GREB1L: variants seen among roughly 807,000 people sequenced by gnomAD.
GREB1L encodes GREB1 like retinoic acid receptor coactivator.
A neutral mutation model predicts 200.8 loss-of-function variants in GREB1L; 17 were observed. The observed-to-expected ratio is 0.08, with a 90% CI of 0.06 to 0.13. The LOEUF is 0.13. GREB1L is among the 10% of genes least tolerant of loss of function. GREB1L has a pLI of 1.00. For missense variants in GREB1L, 1,657 were observed against 2,367.7 expected, an observed-to-expected ratio of 0.70 and a Z score of 6.23; for synonymous variants, 789 against 893.0, an observed-to-expected ratio of 0.88 and a Z score of 2.08.
intron 19 of GREB1L, among the ~76,000 whole-genome samples, chr18:21,494,635 T>G (rs2036474040): frequency 2.0e-5 from 3 of 152,100 alleles, no homozygotes; most frequent in African/African-American, 7.2e-5. Flanking sequence ...AAAAAAATTG[T>G]ATGTATTACT....
chr18:21,451,234 G>A (rs139888478), intron 13 of GREB1L, 83 bp downstream of exon 13: 2 of 1,407,964 alleles, frequency 1.4e-6, no homozygotes, highest in Admixed American at 2.2e-5. Flanking sequence ...GTCAAGATGA[G>A]TGTGGAGCTC....
chr18:21,433,137 C>T (rs1216449497), intron 7 of GREB1L, among the ~76,000 whole-genome samples: 1 of 152,162 alleles, frequency 6.6e-6, no homozygotes, highest in Non-Finnish European at 1.5e-5. Context: ...TATGTTAAGA[C>T]AAATCCCAGA....
intron 1 of GREB1L, among the ~76,000 whole-genome samples, chr18:21,333,907 G>T (rs2145070216): frequency 1.3e-5 from 2 of 151,908 alleles, no homozygotes; most frequent in South Asian, 4.2e-4. Context: ...GCTTGAGTCT[G>T]GGAGGTTGAG....
At chr18:21,304,899 A>G (rs1236096250) in intron 1 of GREB1L, among the ~76,000 whole-genome samples, 2 of 152,064 alleles carry the variant, frequency 1.3e-5, no homozygotes, top group East Asian at 1.9e-4. Context: ...CTGTTGTTCA[A>G]GTCTTCCCTA....
intron 29 of GREB1L, among the ~76,000 whole-genome samples, 158 bp from the exon 30 acceptor site, chr18:21,516,453 CAG>C (rs952722492): frequency 2.0e-5 from 3 of 152,134 alleles, no homozygotes; most frequent in African/African-American, 4.8e-5. Flanking sequence ...ATGCCCAAAT[CAG>C]AGTTTTTCCA....
intron 5 of GREB1L, among the ~76,000 whole-genome samples, 169 bp from the exon 6 acceptor site, chr18:21,400,981 A>G (rs986284608): frequency 6.6e-6 from 1 of 152,198 alleles, no homozygotes; most frequent in Non-Finnish European, 1.5e-5. Flanking sequence ...ACTGTTATAA[A>G]ATAACTCTGC....
chr18:21,294,213 A>T (rs949739552), intron 1 of GREB1L, among the ~76,000 whole-genome samples: 1 of 152,144 alleles, frequency 6.6e-6, no homozygotes, highest in African/African-American at 2.4e-5. Flanking sequence ...TTTATTTTCA[A>T]TTAATTTAAA....
chr18:21,306,165 T>C (rs559074793), intron 1 of GREB1L, among the ~76,000 whole-genome samples: 3 of 152,348 alleles, frequency 2.0e-5, no homozygotes, highest in Non-Finnish European at 4.4e-5. Flanking sequence ...TCTTGTTCAC[T>C]GAGGTATCCC....
At chr18:21,413,855 A>G (rs1199996631) in intron 7 of GREB1L, among the ~76,000 whole-genome samples, 1 of 152,138 alleles carries the variant, frequency 6.6e-6, no homozygotes, top group Non-Finnish European at 1.5e-5. Context: ...AAATGAAGAA[A>G]CCCATAAGTA....
At chr18:21,401,044 A>C (rs1019075264) in intron 5 of GREB1L, 106 bp from the exon 6 acceptor site, 1 of 869,848 alleles carries the variant, frequency 1.1e-6, no homozygotes, top group African/African-American at 1.7e-5. Flanking sequence ...CTTGAGATTG[A>C]GACATTTTTG....
At chr18:21,356,416 T>A (rs2039505121) in intron 1 of GREB1L, among the ~76,000 whole-genome samples, 1 of 152,228 alleles carries the variant, frequency 6.6e-6, no homozygotes, top group Non-Finnish European at 1.5e-5. Flanking sequence ...TAATTGAGAT[T>A]ATACAGTATT....
intron 15 of GREB1L, among the ~76,000 whole-genome samples, chr18:21,458,021 T>G (rs951185922): frequency 7.0e-6 from 1 of 142,662 alleles, no homozygotes; most frequent in African/African-American, 2.7e-5. Flanking sequence ...CAGGCTGGAG[T>G]GCAGTGGCGC....
At chr18:21,291,772 C>A (rs1265843762) in intron 1 of GREB1L, among the ~76,000 whole-genome samples, 1 of 152,126 alleles carries the variant, frequency 6.6e-6, no homozygotes, top group Non-Finnish European at 1.5e-5. Flanking sequence ...GAAATGGAGG[C>A]TGGGCATGGT....
intron 1 of GREB1L, among the ~76,000 whole-genome samples, chr18:21,249,588 C>T (rs770420259): frequency 2.6e-5 from 4 of 152,112 alleles, no homozygotes; most frequent in Non-Finnish European, 5.9e-5. Context: ...GGTGTGGTGG[C>T]TCATGCCTGT....
chr18:21,355,982 C>CTTTTTTT (rs869238658), intron 1 of GREB1L, among the ~76,000 whole-genome samples: 27 of 109,182 alleles, frequency 2.5e-4, no homozygotes, highest in African/African-American at 3.2e-4. Context: ...AATTAGGCTT[C>CTTTTTTT]TTTTTTTTTT....
chr18:21,412,672 C>G (rs1250084595), intron 7 of GREB1L, among the ~76,000 whole-genome samples: 1 of 152,146 alleles, frequency 6.6e-6, no homozygotes, highest in Non-Finnish European at 1.5e-5. Flanking sequence ...GAAGAGCACA[C>G]AGGAGGCTAC....
Position 21,525,012 on chromosome 18 carries a change from G to GTGTATGTATATATATA in GREB1L, c.*2192_*2193insGTATGTATATATATAT, listed in dbSNP as rs55641891. 27 of 145,178 alleles carry GTGTATGTATATATATA rather than the reference G, an allele frequency of 1.9e-4. No individual in the cohort carries two copies. Among genetic ancestry groups the GTGTATGTATATATATA allele is most frequent in the Admixed American group, 7.5e-4 (11 of 14,604 alleles). 9.0% of individuals were successfully genotyped at this position (145,178 alleles called of 1,614,324 possible). On this transcript the variant is annotated 3_prime_UTR_variant, in exon 33 of 33. Coordinates refer to ENST00000424526, the MANE Select transcript of GREB1L (RefSeq NM_001142966.3). ...AAGCACAGGACACCATGATTTGTGT[G>GTGTATGTATATATATA]TATATATATATATATCCTAGTGTGT...
chr18:21,339,221 G>T (rs1411778913), intron 1 of GREB1L, among the ~76,000 whole-genome samples: 1 of 151,886 alleles, frequency 6.6e-6, no homozygotes, highest in Non-Finnish European at 1.5e-5. Flanking sequence ...TAGAAAAGTT[G>T]AAATTTAAAA....
At chr18:21,416,121 A>G (rs1448340251) in intron 7 of GREB1L, among the ~76,000 whole-genome samples, 1 of 152,236 alleles carries the variant, frequency 6.6e-6, no homozygotes, top group East Asian at 1.9e-4. Context: ...CATGACAGAT[A>G]CGAAAAAGAC....
Sources: allele counts gnomAD v4.1 joint callset (sites outside exome capture counted in the v4.1 genomes callset), GRCh38; gene constraint gnomAD v4.1.1; transcripts MANE v1.5; gene names NCBI Gene and HGNC (gene_info 2026-07-23, HGNC 2026-07-21).